TBC1D9B: variants seen among roughly 807,000 people sequenced by gnomAD.
TBC1D9B encodes TBC1 domain family member 9B.
In TBC1D9B, 87 loss-of-function variants were observed where a neutral mutation model predicts 121.1. The observed-to-expected ratio is 0.72, with a 90% confidence interval of 0.60 to 0.86. TBC1D9B has a LOEUF of 0.86. Ranked by LOEUF, TBC1D9B falls within the 40% of genes least tolerant of loss-of-function variation. The pLI is 0.00. For missense variants in TBC1D9B, 1,540 were observed against 1,628.6 expected (o/e 0.95, Z 0.94); for synonymous variants, 668 against 670.1 (o/e 1.00, Z 0.05).
chr5:179,871,540 A>G lies in TBC1D9B; in HGVS notation c.2416-10T>C. 6.2e-7 allele frequency: 1 copy of G among 1,611,946 alleles called. No homozygotes were observed. ...CAGGTATAGCTCGGACCTAGAAGGAAGGAGAAACAGGGTATATAGCTGGAT... is the reference window on the plus strand; with the variant it reads ...CAGGTATAGCTCGGACCTAGAAGGAGGGAGAAACAGGGTATATAGCTGGAT... On this transcript the variant is annotated splice_polypyrimidine_tract_variant and intron_variant, in intron 14 of 20. Transcript: ENST00000355235.
intron 12 of TBC1D9B, 61 bp from the exon 13 acceptor site, chr5:179,873,309 C>A (rs1424921652): frequency 2.9e-5 from 44 of 1,500,736 alleles, no homozygotes; most frequent in Non-Finnish European, 3.7e-5. Context: ...CTCCTTCCCA[C>A]AGCTGGGTGA....
At chr5:179,888,480 A>G (rs1288332451) in intron 6 of TBC1D9B, among the ~76,000 whole-genome samples, 168 bp from the exon 7 acceptor site, 1 of 152,054 alleles carries the variant, frequency 6.6e-6, no homozygotes, top group Non-Finnish European at 1.5e-5. Flanking sequence ...CCTAACCCCG[A>G]GCAAGTTGCC....
chr5:179,902,910 C>G lies in TBC1D9B; in HGVS notation c.229+1792G>C, dbSNP rs759034859. 8.1e-6 allele frequency among the ~76,000 whole-genome samples: 1 copy of G among 123,302 alleles called. No individual in the cohort carries two copies. Among genetic ancestry groups the G allele is most frequent in the Non-Finnish European group, 1.5e-5 (1 of 67,404 alleles). 80.9% of individuals were successfully genotyped at this position (123,302 alleles called of 152,430 possible). ...GACAAACTCCCCTTCCTAACTCTTA[C>G]TGAGTTATTCAGTCCTGCAAAGGAG... is the stretch of plus-strand genomic sequence containing the variant. On this transcript the variant is annotated intron_variant, in intron 2 of 20. Transcript: ENST00000355235. The surrounding 1 kb of genome is among the most constrained non-coding windows in gnomAD (Gnocchi z 4.9).
chr5:179,892,285 C>T (rs542517895), intron 5 of TBC1D9B, among the ~76,000 whole-genome samples: 1 of 152,392 alleles, frequency 6.6e-6, no homozygotes, highest in South Asian at 2.1e-4. Flanking sequence ...AAAGGTCCAA[C>T]AAGCCAACCT....
chr5:179,869,815 G>T lies in TBC1D9B; in HGVS notation c.2745C>A (p.Asp915Glu). 2 of 1,565,640 alleles carry T rather than the reference G, an allele frequency of 1.3e-6. No homozygotes were observed. Among genetic ancestry groups the T allele is most frequent in the Non-Finnish European group, 1.7e-6 (2 of 1,153,662 alleles). Residue 915 changes from aspartate to glutamate, a missense_variant, in exon 17 of 21, where the codon GAC becomes GAA. Coordinates refer to ENST00000355235, the MANE Select transcript of TBC1D9B (RefSeq NM_015043.4). Reference protein sequence around the residue: ...VTGMSGMYHGDLTEKLKVLYK... With the variant: ...VTGMSGMYHGELTEKLKVLYK... ...AGAGCACCTTGAGCTTCTCTGTCAG[G>T]TCCCCGTGGTACATCCCGCCTGTGG...
chr5:179,887,619 TC>T, intron 7 of TBC1D9B: 1 of 168,678 alleles, frequency 5.9e-6, no homozygotes, highest in Non-Finnish European at 1.3e-5. Flanking sequence ...GTTCAAATAA[TC>T]AAACCGTGAA....
chr5:179,904,644 G>A lies in TBC1D9B; in HGVS notation c.229+58C>T. The A allele has an allele frequency of 6.8e-7, 1 of 1,464,054 alleles. No homozygotes were observed. The highest frequency in any genetic ancestry group is 9.3e-7 in the Non-Finnish European group (1 of 1,071,802). The allele number at this position is 1,464,054 out of a possible 1,614,324, so 90.7% of individuals were successfully genotyped here. A position where few individuals can be genotyped will look rare whatever the true frequency, so the allele number is the denominator to read the frequency against. ...GTGGGCTACACACCCCTTCCTCTCGGCAACGGCCCTTCCAGGGCAGGCCCT... is the reference window on the plus strand; with the variant it reads ...GTGGGCTACACACCCCTTCCTCTCGACAACGGCCCTTCCAGGGCAGGCCCT... On this transcript the variant is annotated intron_variant, in intron 2 of 20. Coordinates refer to ENST00000355235, the MANE Select transcript of TBC1D9B (RefSeq NM_015043.4). The surrounding 1 kb of genome is among the most constrained non-coding windows in gnomAD (Gnocchi z 4.2).
chr5:179,875,324 G>C lies in TBC1D9B; in HGVS notation c.1901-137C>G. 2 of 1,131,444 alleles carry C rather than the reference G, an allele frequency of 1.8e-6. No homozygotes were observed. The highest frequency in any genetic ancestry group is 2.4e-6 in the Non-Finnish European group (2 of 819,196). The allele number at this position is 1,131,444 out of a possible 1,614,324, so 70.1% of individuals were successfully genotyped here. On this transcript the variant is annotated intron_variant, in intron 11 of 20. Coordinates refer to ENST00000355235, the MANE Select transcript of TBC1D9B (RefSeq NM_015043.4). The surrounding 1 kb of genome is among the most constrained non-coding windows in gnomAD (Gnocchi z 4.5). The stretch of plus-strand genomic sequence containing the variant: ...GGCTGAGGGAGACTTGGAGTGCTGG[G>C]AGAAAACAAGGACGAAAAAACCCTT...
In TBC1D9B at chr5:179,862,538, T is replaced by C. The variant is rs1351432524; in HGVS notation, c.*910A>G. Reference sequence around the variant, plus strand: ...AGCTCAGGGCATCCCCTGATGCAGGTTGGTCAGGACCTGCCCAGCTTGCAC... The same window carrying C: ...AGCTCAGGGCATCCCCTGATGCAGGCTGGTCAGGACCTGCCCAGCTTGCAC... On this transcript the variant is annotated 3_prime_UTR_variant, in exon 21 of 21. Coordinates refer to ENST00000355235, the MANE Select transcript of TBC1D9B (RefSeq NM_015043.4). The C allele has an allele frequency of 8.8e-6, 4 of 456,156 alleles. No homozygotes were observed. Among genetic ancestry groups the C allele is most frequent in the Non-Finnish European group, 1.8e-5 (4 of 226,752 alleles). 28.3% of individuals were successfully genotyped at this position (456,156 alleles called of 1,614,324 possible). A position where few individuals can be genotyped will look rare whatever the true frequency, so the allele number is the denominator to read the frequency against.
At position 179,873,200 on chromosome 5, in the gene TBC1D9B, C is replaced by A. The variant is rs769740312; in HGVS notation, c.2235G>T (p.Pro745=). ...TGCTGCTCAGCAAGGCACGGAGGTG[C>A]GGGATAGGAGGAGAGACACTCTGCT... is the stretch of plus-strand genomic sequence containing the variant. ...VNKQSVSPPI[P]HLRALLSSSD... The change falls in exon 13 of 21, where the codon CCG becomes CCT. Residue 745 remains proline, a synonymous_variant. Transcript: ENST00000355235. The A allele has an allele frequency of 6.2e-7, 1 of 1,612,830 alleles. No homozygotes were observed. The highest frequency in any genetic ancestry group is 1.7e-5 in the Admixed American group (1 of 59,832).
In TBC1D9B at chr5:179,907,772, G is replaced by A. The variant is rs1302017369; in HGVS notation, c.50C>T (p.Thr17Met). The change falls in exon 1 of 21, where the codon ACG becomes ATG. Residue 17 changes from threonine (T) to methionine (M), a missense_variant. Transcript: ENST00000355235. The surrounding 1 kb of genome is among the most constrained non-coding windows in gnomAD (Gnocchi z 5.3). The stretch of plus-strand genomic sequence containing the variant: ...CACGAAGAAGGGGTTGGCCCGCTCC[G>A]TCACCCACAGCGCATTGGCCACCAG... ...EVLVANALWV[T>M]ERANPFFVLQ... 2.4e-6 allele frequency: 3 copies of A among 1,227,648 alleles called. No homozygotes were observed. Among genetic ancestry groups the A allele is most frequent in the South Asian group, 1.4e-5 (1 of 69,306 alleles). The allele number at this position is 1,227,648 out of a possible 1,614,324, so 76.0% of individuals were successfully genotyped here. A position where few individuals can be genotyped will look rare whatever the true frequency, so the allele number is the denominator to read the frequency against.
chr5:179,872,658 C>G, intron 14 of TBC1D9B: 1 of 548,308 alleles, frequency 1.8e-6, no homozygotes, highest in South Asian at 2.3e-5. Context: ...AGGGTGGGAG[C>G]CATCTGAGAA....
chr5:179,878,956 C>A lies in TBC1D9B; in HGVS notation c.1567+91G>T, dbSNP rs1261263699. ...GCTGGGAGCTCCTGCCTGGCCAACTCCAGGCCGGCTCAGGACAGACGAGCT... is the reference window on the plus strand; with the variant it reads ...GCTGGGAGCTCCTGCCTGGCCAACTACAGGCCGGCTCAGGACAGACGAGCT... On this transcript the variant is annotated intron_variant, in intron 9 of 20. Transcript: ENST00000355235. The A allele has an allele frequency of 2.0e-6, 3 of 1,489,892 alleles. No individual in the cohort carries two copies. In the East Asian group the frequency reaches 7.0e-5, roughly 35 times the overall value. 92.3% of individuals were successfully genotyped at this position (1,489,892 alleles called of 1,614,324 possible). A position where few individuals can be genotyped will look rare whatever the true frequency, so the allele number is the denominator to read the frequency against.
chr5:179,880,658 CA>C (rs1376569108), intron 7 of TBC1D9B, among the ~76,000 whole-genome samples: 2 of 151,972 alleles, frequency 1.3e-5, no homozygotes, highest in Admixed American at 1.3e-4. Context: ...TAAAACGTAC[CA>C]AATTGTATTC....
Position 179,907,111 on chromosome 5 carries a change from C to T in TBC1D9B, c.118+593G>A, listed in dbSNP as rs1347870061. 6.6e-6 allele frequency among the ~76,000 whole-genome samples: 1 copy of T among 152,206 alleles called. No individual in the cohort carries two copies. Among genetic ancestry groups the T allele is most frequent in the Non-Finnish European group, 1.5e-5 (1 of 68,042 alleles). ...GGCGAGCTTGCAGGAACACCCTGTG[C>T]CGCTACCCACAGCCTTGGGTGCGCA... On this transcript the variant is annotated intron_variant, in intron 1 of 20. Transcript: ENST00000355235. The surrounding 1 kb of genome is among the most constrained non-coding windows in gnomAD (Gnocchi z 5.3).
In TBC1D9B at chr5:179,899,107, T is replaced by A. The variant is rs533245761; in HGVS notation, c.348+82A>T. Reference sequence around the variant, plus strand: ...TTGTAAAATGGGGACGCACCCTACATCGTGAAGATGAAATAGGATAATACA... The same window carrying A: ...TTGTAAAATGGGGACGCACCCTACAACGTGAAGATGAAATAGGATAATACA... On this transcript the variant is annotated intron_variant, in intron 3 of 20. Coordinates refer to ENST00000355235, the MANE Select transcript of TBC1D9B (RefSeq NM_015043.4). 6 of 1,176,074 alleles carry A rather than the reference T, an allele frequency of 5.1e-6. No homozygotes were observed. In the South Asian group the frequency reaches 6.8e-5, roughly 13 times the overall value. 72.9% of individuals were successfully genotyped at this position (1,176,074 alleles called of 1,614,324 possible).
chr5:179,879,235 G>T, intron 8 of TBC1D9B, 38 bp from the exon 9 acceptor site: 1 of 1,582,344 alleles, frequency 6.3e-7, no homozygotes, highest in Non-Finnish European at 8.5e-7. Flanking sequence ...GGGGGCCGAA[G>T]CGCATCTGAG....
chr5:179,863,135 A>C lies in TBC1D9B; in HGVS notation c.*313T>G. 2 of 377,500 alleles carry C rather than the reference A, an allele frequency of 5.3e-6. No individual in the cohort carries two copies. Among genetic ancestry groups the C allele is most frequent in the Non-Finnish European group, 4.9e-6 (1 of 205,584 alleles). 23.4% of individuals were successfully genotyped at this position (377,500 alleles called of 1,614,324 possible). ...GGAGCACAGAGGTATGAGGCAAGCA[A>C]GGGCAGATCTGAGAGCCTGTAATGC... is the stretch of plus-strand genomic sequence containing the variant. On this transcript the variant is annotated 3_prime_UTR_variant, in exon 21 of 21. Coordinates refer to ENST00000355235, the MANE Select transcript of TBC1D9B (RefSeq NM_015043.4). This position sits in a 1 kb window ranked among gnomAD's most constrained non-coding sequence, Gnocchi z 4.5.
rs748586469 is a variant in TBC1D9B, at chr5:179,879,112, G to A, written c.1502C>T (p.Thr501Met). 8.1e-6 allele frequency: 13 copies of A among 1,607,936 alleles called. No homozygotes were observed. The highest frequency in any genetic ancestry group is 5.0e-5 in the Admixed American group (3 of 59,994). ...RGVCMYRTAK[T>M]RALVLKGIPE... ...GATACCCTTCAGGACCAGTGCCCGCGTCTTGGCTGTGCGGTACATGCACAC... is the reference window on the plus strand; with the variant it reads ...GATACCCTTCAGGACCAGTGCCCGCATCTTGGCTGTGCGGTACATGCACAC... Residue 501 changes from threonine to methionine, a missense_variant, in exon 9 of 21, where the codon ACG becomes ATG. Thr to Met is a moderately conservative substitution (Grantham distance 81). Coordinates refer to ENST00000355235, the MANE Select transcript of TBC1D9B (RefSeq NM_015043.4).
Sources: gnomAD v4.1 joint callset for allele counts (sites outside exome capture counted in the v4.1 genomes callset) on GRCh38, gnomAD v4.1.1 for gene constraint, Gnocchi (gnomAD v3.1) non-coding constraint, MANE v1.5 for transcripts, NCBI Gene and HGNC (gene_info 2026-07-23, HGNC 2026-07-21) for gene names.